LMO7: variants seen among roughly 807,000 people sequenced by gnomAD.
LMO7 encodes LIM domain only protein 7.
Under a neutral mutation model 206.5 loss-of-function variants are expected in LMO7, and 120 were observed. The observed-to-expected ratio is 0.58, with a 90% confidence interval of 0.50 to 0.68. The LOEUF (loss-of-function observed/expected upper bound fraction) is 0.68, where lower values mean the gene tolerates loss of function less well. Among genes scored for constraint, LMO7 ranks in the 30% least tolerant of loss-of-function variants. The probability of loss-of-function intolerance (pLI) is 0.00; values close to 1 mark genes in which losing one functional copy is unlikely to be tolerated. For missense variants in LMO7, 1,959 were observed against 1,957.9 expected (o/e 1.00, Z -0.01); for synonymous variants, 706 against 681.5 (o/e 1.04, Z -0.56).
intron 2 of LMO7, among the ~76,000 whole-genome samples, chr13:75,626,262 G>A (rs911210824): frequency 3.3e-5 from 5 of 152,088 alleles, no homozygotes; most frequent in East Asian, 3.9e-4. Flanking sequence ...AGAAAAAGAC[G>A]TTTAATGGGA....
intron 1 of LMO7, among the ~76,000 whole-genome samples, chr13:75,712,303 C>G (rs890357629): frequency 1.3e-5 from 2 of 152,176 alleles, no homozygotes; most frequent in Non-Finnish European, 2.9e-5. Context: ...GTGGCTGCAT[C>G]TCCAGGACAG....
At chr13:75,775,291 C>T (rs192445459) in intron 4 of LMO7, among the ~76,000 whole-genome samples, 4 of 151,980 alleles carry the variant, frequency 2.6e-5, no homozygotes, top group Admixed American at 6.6e-5. Context: ...CACTTCTCAC[C>T]GTATACAAAA....
rs368045003 is a variant in LMO7 at position 75,807,481 on chromosome 13, C to A, written c.1198C>A (p.Gln400Lys). The A allele has an allele frequency of 6.1e-5, 98 of 1,612,536 alleles. No homozygotes were observed. The highest frequency in any genetic ancestry group is 1.7e-4 in the Middle Eastern group (1 of 6,056). Residue 400 changes from glutamine (Q) to lysine (K), a missense_variant and splice_region_variant, in exon 10 of 31, where the codon CAG becomes AAG. By Grantham distance (53) the Gln-to-Lys change is moderately conservative. Coordinates refer to ENST00000377534, the MANE Select transcript of LMO7 (RefSeq NM_001306080.2). ...PWYKEFQGFS[Q>K]FLLLQALQTY... is the part of the protein sequence containing the mutation. Reference sequence around the variant, plus strand: ...TCCTTTTTCCTCTCTGTGCATCAGTCAGTTTTTACTGCTTCAGGCCCTCCA... The same window carrying A: ...TCCTTTTTCCTCTCTGTGCATCAGTAAGTTTTTACTGCTTCAGGCCCTCCA...
intron 1 of LMO7, among the ~76,000 whole-genome samples, chr13:75,677,198 A>G (rs2040085091): frequency 6.6e-6 from 1 of 152,210 alleles, no homozygotes; most frequent in Non-Finnish European, 1.5e-5. Context: ...GGAAAGGACC[A>G]TGGACCATCC....
intron 24 of LMO7, 67 bp downstream of exon 24, chr13:75,842,050 C>A: frequency 8.5e-7 from 1 of 1,171,674 alleles, no homozygotes; most frequent in East Asian, 2.5e-5. Flanking sequence ...AAGGCACCCG[C>A]TTGCTCTTCC....
intron 1 of LMO7, among the ~76,000 whole-genome samples, chr13:75,686,786 A>G (rs1160615113): frequency 6.6e-6 from 1 of 152,140 alleles, no homozygotes; most frequent in Non-Finnish European, 1.5e-5. Context: ...GGCTTCAGCA[A>G]CAGACACTTA....
At chr13:75,738,800 A>G (rs949759541) in intron 3 of LMO7, among the ~76,000 whole-genome samples, 2 of 152,244 alleles carry the variant, frequency 1.3e-5, no homozygotes, top group Admixed American at 6.5e-5. Context: ...AATGTTTACC[A>G]TCTGATATGT....
intron 13 of LMO7, 43 bp downstream of exon 13, chr13:75,819,578 T>C (rs2057376738): frequency 4.0e-6 from 6 of 1,508,962 alleles, no homozygotes; most frequent in Non-Finnish European, 3.5e-6. Flanking sequence ...GGGTTGGAGA[T>C]GCCAGTGTTA....
intron 1 of LMO7, among the ~76,000 whole-genome samples, chr13:75,699,425 T>C (rs965892670): frequency 3.3e-5 from 5 of 150,828 alleles, no homozygotes; most frequent in Admixed American, 2.0e-4. Context: ...TTTTTTTTAC[T>C]GTAGTATCAA....
intron 4 of LMO7, among the ~76,000 whole-genome samples, chr13:75,763,328 C>G (rs756213076): frequency 1.3e-5 from 2 of 152,096 alleles, no homozygotes; most frequent in African/African-American, 2.4e-5. Context: ...TTGAGAAACT[C>G]TAGCTTTAGA....
intron 3 of LMO7, among the ~76,000 whole-genome samples, chr13:75,741,870 G>T (rs1366036371): frequency 6.6e-6 from 1 of 152,140 alleles, no homozygotes; most frequent in Non-Finnish European, 1.5e-5. Flanking sequence ...AGTACTGGAA[G>T]TCCTGGCCAG....
intron 1 of LMO7, among the ~76,000 whole-genome samples, chr13:75,650,598 C>G (rs1019313654): frequency 6.6e-6 from 1 of 152,186 alleles, no homozygotes; most frequent in Admixed American, 6.5e-5. Context: ...GTGTATTGCA[C>G]TGTCGAAAAC....
chr13:75,827,987 G>T (rs540140519), intron 15 of LMO7, among the ~76,000 whole-genome samples: 4 of 152,320 alleles, frequency 2.6e-5, no homozygotes, highest in African/African-American at 9.6e-5. Flanking sequence ...CCTGCTCTCT[G>T]TAAGGGTGGA....
intron 1 of LMO7, among the ~76,000 whole-genome samples, chr13:75,671,754 T>G (rs540984485): frequency 6.6e-6 from 1 of 152,212 alleles, no homozygotes; most frequent in Non-Finnish European, 1.5e-5. Flanking sequence ...AAAGACATTT[T>G]GGATCCTGCC....
chr13:75,728,201 T>C (rs2044686686), intron 3 of LMO7, among the ~76,000 whole-genome samples: 3 of 152,202 alleles, frequency 2.0e-5, no homozygotes, highest in South Asian at 4.1e-4. Flanking sequence ...ATCGCCACAC[T>C]GACTTCCACA....
chr13:75,744,048 T>G (rs774624646), intron 3 of LMO7, among the ~76,000 whole-genome samples: 1 of 152,182 alleles, frequency 6.6e-6, no homozygotes, highest in Non-Finnish European at 1.5e-5. Context: ...TACTTGACAG[T>G]AAATATCTGA....
In LMO7 at chr13:75,800,745, G is replaced by T; in HGVS notation, c.524G>T (p.Trp175Leu). ...SGRDSGYGDI[W>L]CPERGEFLAP... ...AGGGACAGTGGCTACGGTGACATCT[G>T]GTGTCCTGAACGTGGAGAATTTCTT... The change falls in exon 7 of 31, where the codon TGG becomes TTG. Residue 175 changes from tryptophan to leucine, a missense_variant. Coordinates refer to ENST00000377534, the MANE Select transcript of LMO7 (RefSeq NM_001306080.2). 1.2e-6 allele frequency: 2 copies of T among 1,614,128 alleles called. No individual in the cohort carries two copies. Among genetic ancestry groups the T allele is most frequent in the South Asian group, 2.2e-5 (2 of 91,078 alleles).
chr13:75,674,404 T>G (rs1449046103), intron 1 of LMO7, among the ~76,000 whole-genome samples: 2 of 152,216 alleles, frequency 1.3e-5, no homozygotes, highest in African/African-American at 2.4e-5. Context: ...AGTAGGATTA[T>G]CATCAAATGA....
chr13:75,689,304 A>T (rs541879235), intron 1 of LMO7: 1 of 152,206 alleles, frequency 6.6e-6, no homozygotes, highest in African/African-American at 2.4e-5. Flanking sequence ...TTTAACTCCA[A>T]TCCCATTGTG....
Sources: gnomAD v4.1 joint callset for allele counts (sites outside exome capture counted in the v4.1 genomes callset) on GRCh38, gnomAD v4.1.1 for gene constraint, MANE v1.5 for transcripts, NCBI Gene and HGNC (gene_info 2026-07-23, HGNC 2026-07-21) for gene names.